PRPF31: variants seen among roughly 807,000 people sequenced by gnomAD.
PRPF31 encodes U4/U6 small nuclear ribonucleoprotein Prp31.
In PRPF31, 12 loss-of-function variants were observed where a neutral mutation model predicts 60.4. That is an observed-to-expected ratio of 0.20 (90% CI 0.13 to 0.32). The LOEUF (loss-of-function observed/expected upper bound fraction) is 0.32. PRPF31 is among the 10% of genes least tolerant of loss of function. The pLI, the probability that PRPF31 is intolerant of heterozygous loss-of-function variation, is 1.00. For missense variants in PRPF31, 431 were observed against 687.1 expected, an observed-to-expected ratio of 0.63 and a Z score of 4.17; for synonymous variants, 287 against 287.9, an observed-to-expected ratio of 1.00 and a Z score of 0.03.
rs773594755 is a variant in PRPF31, at chr19:54,126,509, C to G, written c.856-19C>G. ...TGTCTGTCTCACACAGATTCCACCCCCGTTTTCCGTTGCTCCAGGATCTGC... is the reference window on the plus strand; with the variant it reads ...TGTCTGTCTCACACAGATTCCACCCGCGTTTTCCGTTGCTCCAGGATCTGC... On this transcript the variant is annotated intron_variant, in intron 8 of 13. Coordinates refer to ENST00000321030, the MANE Select transcript of PRPF31 (RefSeq NM_015629.4). 2 of 1,608,790 alleles carry G rather than the reference C, an allele frequency of 1.2e-6. No homozygotes were observed. The highest frequency in any genetic ancestry group is 2.2e-5 in the East Asian group (1 of 44,704).
intron 5 of PRPF31, 108 bp downstream of exon 5, chr19:54,122,702 T>A: frequency 1.1e-6 from 1 of 901,624 alleles, no homozygotes; most frequent in Non-Finnish European, 1.9e-6. Flanking sequence ...TGGAGAGGAG[T>A]GGACGAGGGC....
At chr19:54,122,715 A>C in intron 5 of PRPF31, 121 bp downstream of exon 5, 1 of 834,788 alleles carries the variant, frequency 1.2e-6, no homozygotes, top group East Asian at 2.5e-5. Flanking sequence ...ACGAGGGCTC[A>C]GTGGTCTGCT....
intron 3 of PRPF31, 80 bp downstream of exon 3, chr19:54,118,713 G>C: frequency 7.0e-7 from 1 of 1,430,386 alleles, no homozygotes; most frequent in Middle Eastern, 1.9e-4. Flanking sequence ...GCTTGTGGCT[G>C]GGTATATCTC....
chr19:54,123,538 G>A lies in PRPF31; in HGVS notation c.505G>A (p.Val169Ile), dbSNP rs150280707. Residue 169 changes from valine to isoleucine, a missense_variant, in exon 6 of 14, where the codon GTC becomes ATC. By Grantham distance (29) the Val-to-Ile change is conservative (BLOSUM62 3). Around this residue, in one of 4 missense-constraint regions of PRPF31, gnomAD observed 314 missense variants for 475.3 expected, o/e 0.66. Coordinates refer to ENST00000321030, the MANE Select transcript of PRPF31 (RefSeq NM_015629.4). ...LTNATIMVVS[V>I]TASTTQGQQL... ...CAATGCCACCATCATGGTCGTCAGC[G>A]TCACCGCCTCCACCACCCAGGGGTA... 9.3e-6 allele frequency: 15 copies of A among 1,614,072 alleles called. No homozygotes were observed. Among genetic ancestry groups the A allele is most frequent in the South Asian group, 2.2e-5 (2 of 91,092 alleles).
At chr19:54,120,679 C>T (rs1455421738) in intron 3 of PRPF31, among the ~76,000 whole-genome samples, 12 of 152,202 alleles carry the variant, frequency 7.9e-5, no homozygotes, top group African/African-American at 2.9e-4. Context: ...GGCACGATCC[C>T]AGCTCACTGC....
rs1411267518 is a variant in PRPF31, at chr19:54,124,659, G to C, written c.855+3G>C. On this transcript the variant is annotated splice_donor_region_variant and intron_variant, in intron 8 of 13. Transcript: ENST00000321030. ...ACATCGTGCAGTCCCTGCCACCGGTGAGCCCACTGCGTCATGGCCCCTCCC... is the reference window on the plus strand; with the variant it reads ...ACATCGTGCAGTCCCTGCCACCGGTCAGCCCACTGCGTCATGGCCCCTCCC... The C allele has an allele frequency of 1.9e-6, 3 of 1,612,162 alleles. No individual in the cohort carries two copies. Among genetic ancestry groups the C allele is most frequent in the Non-Finnish European group, 2.5e-6 (3 of 1,179,986 alleles).
chr19:54,116,697 C>T (rs1250628073), intron 1 of PRPF31, among the ~76,000 whole-genome samples: 1 of 152,222 alleles, frequency 6.6e-6, no homozygotes, highest in African/African-American at 2.4e-5. Flanking sequence ...GCAGAGCGTG[C>T]GGGACACGTT....
chr19:54,124,011 GC>G, intron 7 of PRPF31, 93 bp downstream of exon 7: 1 of 1,580,372 alleles, frequency 6.3e-7, no homozygotes, highest in Admixed American at 1.7e-5. Context: ...GGGGGCTTTG[GC>G]ACCTGGACCT....
intron 11 of PRPF31, among the ~76,000 whole-genome samples, 167 bp from the exon 12 acceptor site, chr19:54,128,890 G>A (rs373170467): frequency 2.6e-5 from 4 of 152,200 alleles, no homozygotes; most frequent in African/African-American, 7.2e-5. Flanking sequence ...CATCCCCCGC[G>A]TGTGTGGGCC....
At chr19:54,118,870 T>A in intron 3 of PRPF31, 1 of 564,746 alleles carries the variant, frequency 1.8e-6, no homozygotes, top group South Asian at 2.5e-5. Context: ...GGACTCAGCT[T>A]GAGGTTTCCC....
intron 8 of PRPF31, chr19:54,124,959 A>G: frequency 3.7e-6 from 2 of 542,464 alleles, no homozygotes; most frequent in Non-Finnish European, 3.3e-6. Context: ...AAGCACTTAC[A>G]GTTCAGGCCT....
chr19:54,128,162 GC>G lies in PRPF31; in HGVS notation c.1039del (p.Leu347TrpfsTer16). 1 of 1,564,440 alleles carries G rather than the reference GC, an allele frequency of 6.4e-7. No homozygotes were observed. The highest frequency in any genetic ancestry group is 8.7e-7 in the Non-Finnish European group (1 of 1,155,638). On this transcript the variant is annotated frameshift_variant, in exon 10 of 14. Coordinates refer to ENST00000321030, the MANE Select transcript of PRPF31 (RefSeq NM_015629.4). LOFTEE classifies it high-confidence loss of function. ...TGAAGCAGGTGAAGCCGCTGCCTGC[GC>G]CCCTGGATGGACAGCGGAAGAAGCG... ...PVKQVKPLPA[P>X]LDGQRKKRGG...
chr19:54,121,208 C>G (rs587772190), intron 3 of PRPF31, among the ~76,000 whole-genome samples: 4 of 151,654 alleles, frequency 2.6e-5, no homozygotes, highest in African/African-American at 9.7e-5. Context: ...GAGGCTGAGG[C>G]AGGAGAATCG....
intron 1 of PRPF31, among the ~76,000 whole-genome samples, chr19:54,117,569 AG>A (rs1308553748): frequency 2.6e-5 from 4 of 151,606 alleles, no homozygotes; most frequent in Non-Finnish European, 5.9e-5. Flanking sequence ...CCCTGCGGCG[AG>A]GCGCGGTGGC....
intron 3 of PRPF31, 105 bp from the exon 4 acceptor site, chr19:54,121,755 T>G (rs2146408541): frequency 9.1e-7 from 1 of 1,100,628 alleles, no homozygotes; most frequent in East Asian, 2.6e-5. Context: ...CTTCAGCCCC[T>G]CCTTCCTGAC....
At chr19:54,126,695 AG>A in intron 9 of PRPF31, 78 bp downstream of exon 9, 4 of 1,393,906 alleles carry the variant, frequency 2.9e-6, no homozygotes, top group Non-Finnish European at 4.0e-6. Context: ...GACCCTCAGC[AG>A]GGAGCCCACC....
At chr19:54,124,706 G>A (rs769798837) in intron 8 of PRPF31, 50 bp downstream of exon 8, 26 of 1,589,704 alleles carry the variant, frequency 1.6e-5, no homozygotes, top group Non-Finnish European at 2.1e-5. Flanking sequence ...GGAGCCTTCC[G>A]CTGTGCCCAG....
intron 2 of PRPF31, 47 bp from the exon 3 acceptor site, chr19:54,118,526 T>G (rs748632878): frequency 6.2e-7 from 1 of 1,613,746 alleles, no homozygotes; most frequent in East Asian, 2.2e-5. Context: ...GATACAGGCT[T>G]CTTTTTGAAG....
chr19:54,128,406 C>T (rs1207310089), intron 11 of PRPF31, 29 bp downstream of exon 11: 1 of 1,543,188 alleles, frequency 6.5e-7, no homozygotes, highest in Admixed American at 2.0e-5. Context: ...CCTCCTCAAC[C>T]CCACAGCCAG....
Sources: allele counts gnomAD v4.1 joint callset (sites outside exome capture counted in the v4.1 genomes callset), GRCh38; gene constraint gnomAD v4.1.1; regional missense constraint gnomAD v4.1.1; transcripts MANE v1.5; gene names NCBI Gene and HGNC (gene_info 2026-07-23, HGNC 2026-07-21).